CHAMP1: variants seen among roughly 807,000 people sequenced by gnomAD.
CHAMP1 encodes the protein chromosome alignment maintaining phosphoprotein 1.
In CHAMP1, 4 loss-of-function variants were observed where a neutral mutation model predicts 54.5. That is an observed-to-expected ratio of 0.07 (90% CI 0.04 to 0.17). CHAMP1 has a LOEUF of 0.17. CHAMP1 is among the 10% of genes least tolerant of loss of function. The pLI is 1.00. For synonymous variants in CHAMP1, 368 were observed against 342.2 expected, an observed-to-expected ratio of 1.08 and a Z score of -0.83; for missense variants, 994 against 968.6, an observed-to-expected ratio of 1.03 and a Z score of -0.35.
intron 1 of CHAMP1, among the ~76,000 whole-genome samples, chr13:114,320,497 C>T (rs549298058): frequency 3.9e-4 from 59 of 152,208 alleles, no homozygotes; most frequent in African/African-American, 1.4e-3. Flanking sequence ...GTAGTCACAC[C>T]AGCAGTCTTC....
At position 114,325,171 on chromosome 13, in the gene CHAMP1, A is replaced by C. The variant is rs1555379733; in HGVS notation, c.1329A>C (p.Ser443=). Residue 443 remains serine, a synonymous_variant, in exon 3 of 3, where the codon TCA becomes TCC. Coordinates refer to ENST00000361283, the MANE Select transcript of CHAMP1 (RefSeq NM_032436.4). ...PAGSPELRKP[S]GSPDLWKLSP... ...GATCTCCAGAGCTCAGAAAACCCTC[A>C]GGGTCACCAGATCTTTGGAAGCTTT... 3 of 1,614,178 alleles carry C rather than the reference A, an allele frequency of 1.9e-6. No homozygotes were observed. Among genetic ancestry groups the C allele is most frequent in the Non-Finnish European group, 8.5e-7 (1 of 1,180,022 alleles).
rs2087216494 is a variant in CHAMP1 at position 114,324,580 on chromosome 13, G to A, written c.738G>A (p.Glu246=). 1.9e-6 allele frequency: 3 copies of A among 1,614,112 alleles called. No homozygotes were observed. The highest frequency in any genetic ancestry group is 1.7e-6 in the Non-Finnish European group (2 of 1,180,000). Residue 246 remains glutamate (E), a synonymous_variant, in exon 3 of 3, where the codon GAG becomes GAA. Coordinates refer to ENST00000361283, the MANE Select transcript of CHAMP1 (RefSeq NM_032436.4). ...GGCCACCTTCAGCCTCATCTCCAGA[G>A]TCACCAGTTCTAGCTGCTTCCCCAG... ...TLGPPSASSP[E]SPVLAASPEP...
chr13:114,318,650 ACTC>A (rs1359903383), intron 1 of CHAMP1, among the ~76,000 whole-genome samples: 1 of 151,574 alleles, frequency 6.6e-6, no homozygotes, highest in Admixed American at 6.6e-5. Flanking sequence ...ATTATGGAGT[ACTC>A]CTACCTGACA....
At chr13:114,318,988 T>G (rs552501481) in intron 1 of CHAMP1, among the ~76,000 whole-genome samples, 1 of 150,720 alleles carries the variant, frequency 6.6e-6, no homozygotes, top group East Asian at 2.0e-4. Flanking sequence ...GTGCAGAATA[T>G]GGGATATAGT....
chr13:114,322,638 C>G (rs937223013), intron 2 of CHAMP1: 1 of 152,186 alleles, frequency 6.6e-6, no homozygotes, highest in Non-Finnish European at 1.5e-5. Context: ...GCCAAGTAAT[C>G]CATTGCTAGG....
intron 1 of CHAMP1, among the ~76,000 whole-genome samples, chr13:114,317,099 C>T (rs2087108188): frequency 6.6e-6 from 1 of 152,038 alleles, no homozygotes. Context: ...GTCACTGCAA[C>T]CTCCGTCTCC....
intron 1 of CHAMP1, among the ~76,000 whole-genome samples, chr13:114,320,763 T>C (rs2087156729): frequency 6.6e-6 from 1 of 152,088 alleles, no homozygotes; most frequent in Admixed American, 6.5e-5. Flanking sequence ...GAGACCATCC[T>C]GGCTAACACG....
At chr13:114,315,811 A>G (rs2087090311) in intron 1 of CHAMP1, among the ~76,000 whole-genome samples, 1 of 152,018 alleles carries the variant, frequency 6.6e-6, no homozygotes, top group East Asian at 1.9e-4. Context: ...TTGTGCTTTT[A>G]AAAATGATTA....
chr13:114,325,179 C>T lies in CHAMP1; in HGVS notation c.1337C>T (p.Pro446Leu), dbSNP rs782758094. 6.2e-7 allele frequency: 1 copy of T among 1,614,200 alleles called. No homozygotes were observed. The highest frequency in any genetic ancestry group is 8.5e-7 in the Non-Finnish European group (1 of 1,180,040). ...SPELRKPSGS[P>L]DLWKLSPDQR... ...GAGCTCAGAAAACCCTCAGGGTCAC[C>T]AGATCTTTGGAAGCTTTCTCCTGAT... Residue 446 changes from proline (P) to leucine (L), a missense_variant, in exon 3 of 3, where the codon CCA becomes CTA. By Grantham distance (98) the Pro-to-Leu change is moderately conservative. Coordinates refer to ENST00000361283, the MANE Select transcript of CHAMP1 (RefSeq NM_032436.4).
chr13:114,325,384 C>A lies in CHAMP1; in HGVS notation c.1542C>A (p.Ile514=). The change falls in exon 3 of 3, where the codon ATC becomes ATA. Residue 514 remains isoleucine, a synonymous_variant. Transcript: ENST00000361283. ...AGTCCCCCAAAGCAGCCTCAGATAT[C>A]TGGAAGCCTGTTCTCTCTATCGATA... ...PSESPKAASD[I]WKPVLSIDTE... is the part of the protein sequence containing the mutation. 6.2e-7 allele frequency: 1 copy of A among 1,614,140 alleles called. No homozygotes were observed. Among genetic ancestry groups the A allele is most frequent in the South Asian group, 1.1e-5 (1 of 91,074 alleles).
chr13:114,323,603 TGA>T (rs2087199621), intron 2 of CHAMP1, 183 bp from the exon 3 acceptor site: 1 of 449,358 alleles, frequency 2.2e-6, no homozygotes, highest in Non-Finnish European at 3.9e-6. Context: ...ATGATGTATG[TGA>T]AACTCCTAGC....
chr13:114,316,924 T>G (rs1421144902), intron 1 of CHAMP1, among the ~76,000 whole-genome samples: 1 of 152,192 alleles, frequency 6.6e-6, no homozygotes, highest in East Asian at 1.9e-4. Context: ...TAGGAAAAAC[T>G]GGGGACAAGA....
chr13:114,327,130 A>G lies in CHAMP1; in HGVS notation c.*849A>G, dbSNP rs557210794. The G allele has an allele frequency of 1.8e-5, 3 of 166,884 alleles. No individual in the cohort carries two copies. Among genetic ancestry groups the G allele is most frequent in the Non-Finnish European group, 4.4e-5 (3 of 68,102 alleles). 10.3% of individuals were successfully genotyped at this position (166,884 alleles called of 1,614,324 possible). A position where few individuals can be genotyped will look rare whatever the true frequency, so the allele number is the denominator to read the frequency against. On this transcript the variant is annotated 3_prime_UTR_variant, in exon 3 of 3. Coordinates refer to ENST00000361283, the MANE Select transcript of CHAMP1 (RefSeq NM_032436.4). Reference sequence around the variant, plus strand: ...CCTGTTGGGGCTTAAGACCAGGTTGATAAGTAGGAACTGAAAGTCTTCCAG... The same window carrying G: ...CCTGTTGGGGCTTAAGACCAGGTTGGTAAGTAGGAACTGAAAGTCTTCCAG...
rs782293650 is a variant in CHAMP1, at chr13:114,326,119, C to G, written c.2277C>G (p.Ala759=). 2 of 1,613,142 alleles carry G rather than the reference C, an allele frequency of 1.2e-6. No individual in the cohort carries two copies. Among genetic ancestry groups the G allele is most frequent in the South Asian group, 2.2e-5 (2 of 90,872 alleles). The part of the protein sequence containing the change: ...LESLLKNHVA[A]HGQSLLKCPR... ...CTCTCCTTAAAAATCATGTAGCAGC[C>G]CATGGGCAAAGTTTACTTAAATGTC... Residue 759 remains alanine, a synonymous_variant, in exon 3 of 3, where the codon GCC becomes GCG. Transcript: ENST00000361283.
chr13:114,325,627 G>C lies in CHAMP1; in HGVS notation c.1785G>C (p.Leu595Phe). 1 of 1,614,112 alleles carries C rather than the reference G, an allele frequency of 6.2e-7. No homozygotes were observed. The highest frequency in any genetic ancestry group is 8.5e-7 in the Non-Finnish European group (1 of 1,180,030). ...DAIDDQKCDILVQEELLASPK... is the reference protein window; with the variant it reads ...DAIDDQKCDIFVQEELLASPK... The stretch of plus-strand genomic sequence containing the variant: ...TAGATGATCAAAAATGTGATATTTT[G>C]GTTCAGGAAGAACTTCTAGCTTCAC... Residue 595 changes from leucine to phenylalanine, a missense_variant, in exon 3 of 3, where the codon TTG (leucine) becomes TTC (phenylalanine). This residue lies in a region of CHAMP1 where 851 missense variants were observed against 701.3 expected (regional missense o/e 1.21). Coordinates refer to ENST00000361283, the MANE Select transcript of CHAMP1 (RefSeq NM_032436.4).
At position 114,324,390 on chromosome 13, in the gene CHAMP1, C is replaced by T; in HGVS notation, c.548C>T (p.Ser183Phe). Residue 183 changes from serine to phenylalanine, a missense_variant, in exon 3 of 3, where the codon TCT (serine) becomes TTT (phenylalanine). Ser to Phe is a radical substitution (Grantham distance 155). Around this residue, in one of 3 missense-constraint regions of CHAMP1, gnomAD observed 851 missense variants for 701.3 expected, o/e 1.21. Transcript: ENST00000361283. ...GAGCCTTCAAAACCTGCCTCTGTTT[C>T]TTCTCCTGAACCTCCAAAATCAGTC... ...SPEPSKPASV[S>F]SPEPPKSVPV... 6.2e-7 allele frequency: 1 copy of T among 1,614,192 alleles called. No homozygotes were observed. The highest frequency in any genetic ancestry group is 8.5e-7 in the Non-Finnish European group (1 of 1,180,042).
chr13:114,324,910 T>C lies in CHAMP1; in HGVS notation c.1068T>C (p.Pro356=). The C allele has an allele frequency of 6.2e-7, 1 of 1,614,172 alleles. No individual in the cohort carries two copies. Among genetic ancestry groups the C allele is most frequent in the Non-Finnish European group, 8.5e-7 (1 of 1,180,028 alleles). Reference sequence around the variant, plus strand: ...GGAAACCAATTCCTTCTGTATCTCCTGGACCTTGGAAACCAACTCCATCTG... The same window carrying C: ...GGAAACCAATTCCTTCTGTATCTCCCGGACCTTGGAAACCAACTCCATCTG... ...GPWKPIPSVS[P]GPWKPTPSVS... Residue 356 remains proline (P), a synonymous_variant, in exon 3 of 3, where the codon CCT becomes CCC. Transcript: ENST00000361283.
At chr13:114,318,358 T>A (rs1246565457) in intron 1 of CHAMP1, among the ~76,000 whole-genome samples, 3 of 151,750 alleles carry the variant, frequency 2.0e-5, no homozygotes, top group African/African-American at 7.3e-5. Flanking sequence ...GGTCTCACTC[T>A]GTCATCTAGG....
intron 1 of CHAMP1, among the ~76,000 whole-genome samples, chr13:114,315,339 G>C (rs750409712): frequency 3.1e-4 from 47 of 152,192 alleles, no homozygotes; most frequent in South Asian, 1.0e-3. Flanking sequence ...GGGTGGTGCA[G>C]CAGCTATGGA....
Sources: allele counts gnomAD v4.1 joint callset (sites outside exome capture counted in the v4.1 genomes callset), GRCh38; gene constraint gnomAD v4.1.1; regional missense constraint gnomAD v4.1.1; transcripts MANE v1.5; gene names NCBI Gene and HGNC (gene_info 2026-07-23, HGNC 2026-07-21).